Variants in CASD1 observed in about 807,000 individuals in gnomAD.
The protein encoded by CASD1 is N-acetylneuraminate (7)9-O-acetyltransferase.
CASD1 carries 41 observed loss-of-function variants against 100.0 expected under a neutral mutation model. The observed-to-expected ratio is 0.41, with a 90% CI of 0.32 to 0.53. The LOEUF is 0.53. CASD1 is among the 20% of genes least tolerant of loss of function. The probability of loss-of-function intolerance (pLI) is 0.25; values close to 1 mark genes in which losing one functional copy is unlikely to be tolerated. For synonymous variants in CASD1, 321 were observed against 315.6 expected, an observed-to-expected ratio of 1.02 and a Z score of -0.18; for missense variants, 774 against 948.7, an observed-to-expected ratio of 0.82 and a Z score of 2.42.
intron 5 of CASD1, among the ~76,000 whole-genome samples, chr7:94,528,512 G>A (rs1212565757): frequency 6.6e-6 from 1 of 152,076 alleles, no homozygotes; most frequent in African/African-American, 2.4e-5. Context: ...AAAGTCTTCT[G>A]TTACTGCTGT....
rs138963756 is a variant in CASD1 at position 94,543,642 on chromosome 7, G to C, written c.1357-769G>C. Among the ~76,000 whole-genome samples the C allele has an allele frequency of 5.3e-3, 703 of 132,728 alleles. 3 individuals carry two copies. The highest frequency in any genetic ancestry group is 0.017 in the African/African-American group (632 of 38,262). 87.1% of individuals were successfully genotyped at this position (132,728 alleles called of 152,430 possible). On this transcript the variant is annotated intron_variant, in intron 10 of 17. Transcript: ENST00000297273. ...TGCATTCCAGCCTGGGCGACAGAGT[G>C]AGACTGTCTCCAAAAAAAAAAAAAG...
rs1402548376 is a variant in CASD1 at position 94,535,522 on chromosome 7, CTG to C, written c.843+2_843+3del. 46 of 1,611,052 alleles carry C rather than the reference CTG, an allele frequency of 2.9e-5. No individual in the cohort carries two copies. Among genetic ancestry groups the C allele is most frequent in the Non-Finnish European group, 3.6e-5 (42 of 1,177,912 alleles). ...CATCTTCCTGAATCGAGCAGAGAAA[CTG>C]TGAGAAATTTTTACATATGTCAGTA... On this transcript the variant is annotated splice_donor_variant and coding_sequence_variant, in exon 8 of 18. Transcript: ENST00000297273. LOFTEE classifies it high-confidence loss of function.
chr7:94,525,725 T>G (rs1169345610), intron 3 of CASD1, among the ~76,000 whole-genome samples: 5 of 152,182 alleles, frequency 3.3e-5, no homozygotes, highest in African/African-American at 1.2e-4. Flanking sequence ...CCAAAGAAAC[T>G]TAAAGTTTCA....
At chr7:94,610,751 A>G in the CASD1 span, among the ~76,000 whole-genome samples, 2 of 152,356 alleles carry the variant, frequency 1.3e-5, no homozygotes, top group Middle Eastern at 3.4e-3. Flanking sequence ...TGCAAATCAT[A>G]TATTTAATAA....
chr7:94,588,709 A>G, the CASD1 span: 3 of 1,609,688 alleles, frequency 1.9e-6, no homozygotes, highest in South Asian at 1.1e-5. Flanking sequence ...CTGTTGGGGA[A>G]TCTGAGTCTG....
chr7:94,514,583 GTTTGTT>G (rs993621130), intron 1 of CASD1, among the ~76,000 whole-genome samples: 1 of 152,036 alleles, frequency 6.6e-6, no homozygotes, highest in Non-Finnish European at 1.5e-5. Flanking sequence ...TTATTTTTCA[GTTTGTT>G]TTTGTTTGTT....
chr7:94,624,481 C>T, the CASD1 span: 7 of 345,928 alleles, frequency 2.0e-5, no homozygotes, highest in African/African-American at 1.5e-4. Flanking sequence ...GTTAAAAGAA[C>T]CTCTCTCTCC....
chr7:94,521,070 G>A (rs993611838), intron 3 of CASD1, among the ~76,000 whole-genome samples: 2 of 151,984 alleles, frequency 1.3e-5, no homozygotes, highest in Non-Finnish European at 2.9e-5. Flanking sequence ...CCAGCCTGGC[G>A]ACAGAGTGAG....
chr7:94,546,763 T>C (rs750136178), intron 12 of CASD1, among the ~76,000 whole-genome samples: 2 of 151,932 alleles, frequency 1.3e-5, no homozygotes, highest in Non-Finnish European at 2.9e-5. Flanking sequence ...TAGAATTATA[T>C]TGAACATCTT....
chr7:94,604,620 G>A, the CASD1 span, among the ~76,000 whole-genome samples: 1 of 151,126 alleles, frequency 6.6e-6, no homozygotes, highest in East Asian at 1.9e-4. Flanking sequence ...CAGGTACCAA[G>A]ACAATTCAAA....
At chr7:94,588,560 T>C in the CASD1 span, 1 of 1,521,432 alleles carries the variant, frequency 6.6e-7, no homozygotes, top group Admixed American at 2.0e-5. Context: ...TTAAGTCTGA[T>C]TAAGGAATGA....
the CASD1 span, chr7:94,587,436 T>C: frequency 6.3e-5 from 74 of 1,171,416 alleles, no homozygotes; most frequent in Non-Finnish European, 7.7e-5. Flanking sequence ...ATAGAAATCT[T>C]AGGCGAGATG....
chr7:94,596,561 C>T, the CASD1 span, among the ~76,000 whole-genome samples: 6 of 152,050 alleles, frequency 3.9e-5, no homozygotes, highest in East Asian at 1.9e-4. Flanking sequence ...AGTGTATCAA[C>T]ACACTAAGGG....
chr7:94,577,177 C>T, the CASD1 span, among the ~76,000 whole-genome samples: 1 of 152,110 alleles, frequency 6.6e-6, no homozygotes, highest in African/African-American at 2.4e-5. Flanking sequence ...TGATTTATTT[C>T]CTATGTATGG....
At chr7:94,628,099 G>C in the CASD1 span, 12 of 830,384 alleles carry the variant, frequency 1.4e-5, no homozygotes, top group Non-Finnish European at 2.2e-5. Context: ...ACCACCATCA[G>C]GTAACTTTAG....
the CASD1 span, chr7:94,624,214 C>G: frequency 5.1e-6 from 2 of 394,286 alleles, no homozygotes; most frequent in Non-Finnish European, 8.9e-6. Flanking sequence ...AATCCCAGCA[C>G]TAACCTTCTG....
chr7:94,577,470 A>T, the CASD1 span, among the ~76,000 whole-genome samples: 3 of 152,112 alleles, frequency 2.0e-5, no homozygotes, highest in Non-Finnish European at 4.4e-5. Flanking sequence ...AATGTTGGGG[A>T]ATGCTTTAAA....
intron 16 of CASD1, 101 bp from the exon 17 acceptor site, chr7:94,554,382 C>G: frequency 1.4e-6 from 1 of 733,512 alleles, no homozygotes; most frequent in Non-Finnish European, 2.2e-6. Context: ...GTGTCAAGTT[C>G]ACAAACATAA....
chr7:94,618,580 A>T, the CASD1 span: 1 of 583,524 alleles, frequency 1.7e-6, no homozygotes, highest in Non-Finnish European at 3.0e-6. Context: ...GATATAAAAA[A>T]CCACTAACAC....
Sources: allele counts gnomAD v4.1 joint callset (sites outside exome capture counted in the v4.1 genomes callset), GRCh38; gene constraint gnomAD v4.1.1; transcripts MANE v1.5; gene names NCBI Gene and HGNC (gene_info 2026-07-23, HGNC 2026-07-21).